Variants in GRB2 observed in about 807,000 individuals in gnomAD.
GRB2 encodes the protein growth factor receptor bound protein 2.
In GRB2, 2 loss-of-function variants were observed where a neutral mutation model predicts 27.4. The ratio of observed to expected loss-of-function variants is 0.07; its 90% confidence interval spans 0.03 to 0.23. The LOEUF is 0.23. Among genes scored for constraint, GRB2 ranks in the 10% least tolerant of loss-of-function variants. The pLI is 1.00. For synonymous variants in GRB2, 94 were observed against 99.6 expected, an observed-to-expected ratio of 0.94 and a Z score of 0.33; for missense variants, 102 against 282.4, an observed-to-expected ratio of 0.36 and a Z score of 4.58.
intron 1 of GRB2, chr17:75,394,687 G>C (rs1047195347): frequency 1.3e-5 from 2 of 152,262 alleles, no homozygotes; most frequent in African/African-American, 4.8e-5. Context: ...CAAGTATCTT[G>C]TTTGGGAAAG....
intron 1 of GRB2, among the ~76,000 whole-genome samples, chr17:75,402,761 A>G (rs2079071565): frequency 6.6e-6 from 1 of 152,156 alleles, no homozygotes; most frequent in Admixed American, 6.6e-5. Flanking sequence ...ATGCACTACA[A>G]TGTCCTTGCA....
chr17:75,397,022 C>T (rs1425491227), intron 1 of GRB2, among the ~76,000 whole-genome samples: 1 of 152,198 alleles, frequency 6.6e-6, no homozygotes, highest in Non-Finnish European at 1.5e-5. Flanking sequence ...CCTGCTGCTA[C>T]TCAGCTCATC....
intron 2 of GRB2, among the ~76,000 whole-genome samples, chr17:75,359,507 A>AAATAATAAT (rs10628038): frequency 1.2e-3 from 180 of 148,280 alleles, no homozygotes; most frequent in Admixed American, 4.9e-3. Context: ...CATTGTCTCA[A>AAATAATAAT]AATAATAATA....
At chr17:75,321,370 T>A (rs2078458567) in intron 5 of GRB2, among the ~76,000 whole-genome samples, 1 of 151,810 alleles carries the variant, frequency 6.6e-6, no homozygotes, top group African/African-American at 2.4e-5. Context: ...AGCGACAGGG[T>A]TTCACCATGT....
chr17:75,323,405 C>A (rs2078474069), intron 4 of GRB2, among the ~76,000 whole-genome samples: 1 of 152,116 alleles, frequency 6.6e-6, no homozygotes, highest in Admixed American at 6.6e-5. Flanking sequence ...CCACTTCCAC[C>A]CATGCAATGC....
intron 2 of GRB2, among the ~76,000 whole-genome samples, chr17:75,334,855 CT>C (rs10545922): frequency 0.19 from 27,417 of 143,446 alleles, 3,055 homozygotes; most frequent in African/African-American, 0.35. Context: ...CTCAAAATAT[CT>C]TTTTTTTTTT....
Position 75,363,859 on chromosome 17 carries a change from C to CAAAAA in GRB2, c.78+29687_78+29691dup, listed in dbSNP as rs55746272. Reference sequence around the variant, plus strand: ...TGGGCGACAGAGCAAGACTCCGTCTCAAAAAAAAAAAAAAAAAAAAAAAAA... The same window carrying CAAAAA: ...TGGGCGACAGAGCAAGACTCCGTCTCAAAAAAAAAAAAAAAAAAAAAAAAAAAAAA... On this transcript the variant is annotated intron_variant, in intron 2 of 5. Transcript: ENST00000316804. Among the ~76,000 whole-genome samples, 54 of 58,524 alleles carry CAAAAA rather than the reference C, an allele frequency of 9.2e-4. 4 individuals are homozygous for CAAAAA. The highest frequency in any genetic ancestry group is 5.8e-3 in the South Asian group (8 of 1,374). 38.4% of individuals were successfully genotyped at this position (58,524 alleles called of 152,430 possible).
chr17:75,326,418 C>T (rs897152994), intron 3 of GRB2: 2 of 196,530 alleles, frequency 1.0e-5, no homozygotes, highest in African/African-American at 4.7e-5. Context: ...CTTCCTGCAG[C>T]CATGTGATAA....
intron 2 of GRB2, among the ~76,000 whole-genome samples, chr17:75,362,761 T>C (rs2145848952): frequency 6.6e-6 from 1 of 152,370 alleles, no homozygotes; most frequent in South Asian, 2.1e-4. Context: ...GCTCTGCTCC[T>C]GTGTGGGTAC....
chr17:75,371,748 CGA>C (rs1441240700), intron 2 of GRB2: 1 of 151,382 alleles, frequency 6.6e-6, no homozygotes, highest in Non-Finnish European at 1.5e-5. Context: ...ACCAGAAATA[CGA>C]GATAGCCCAG....
In GRB2 at chr17:75,320,425, G is replaced by A. The variant is rs1361257870; in HGVS notation, c.597C>T (p.His199=). The A allele has an allele frequency of 1.3e-5, 21 of 1,613,950 alleles. No individual in the cohort carries two copies. The highest frequency in any genetic ancestry group is 4.4e-5 in the South Asian group (4 of 91,084). The change falls in exon 6 of 6, where the codon CAC becomes CAT. Residue 199 remains histidine (H), a synonymous_variant. Transcript: ENST00000316804. The surrounding 1 kb of genome is among the most constrained non-coding windows in gnomAD (Gnocchi z 4.3). ...SDPNWWKGAC[H]GQTGMFPRNY... is the part of the protein sequence containing the mutation. Reference sequence around the variant, plus strand: ...TGCGGGGAAACATGCCGGTCTGCCCGTGGCAAGCTCCTTTCCACCAGTTGG... The same window carrying A: ...TGCGGGGAAACATGCCGGTCTGCCCATGGCAAGCTCCTTTCCACCAGTTGG...
At chr17:75,364,260 A>AT (rs2078805214) in intron 2 of GRB2, among the ~76,000 whole-genome samples, 1 of 152,202 alleles carries the variant, frequency 6.6e-6, no homozygotes, top group Non-Finnish European at 1.5e-5. Flanking sequence ...CCTTCACAGT[A>AT]GTGGCTGTGG....
chr17:75,341,374 A>G (rs559602744), intron 2 of GRB2, among the ~76,000 whole-genome samples: 2 of 149,154 alleles, frequency 1.3e-5, no homozygotes, highest in South Asian at 4.3e-4. Flanking sequence ...ATCGCTTGAA[A>G]CCAGGAGGCA....
intron 2 of GRB2, among the ~76,000 whole-genome samples, chr17:75,334,232 G>A (rs113179210): frequency 0.096 from 14,613 of 151,638 alleles, 930 homozygotes; most frequent in Middle Eastern, 0.23. Flanking sequence ...GTGCAGTGGC[G>A]CGATCTCGGC....
At chr17:75,364,940 A>G (rs2145850576) in intron 2 of GRB2, among the ~76,000 whole-genome samples, 1 of 152,232 alleles carries the variant, frequency 6.6e-6, no homozygotes, top group Middle Eastern at 3.4e-3. Context: ...ACAGGGAAAA[A>G]GCATCTCTCA....
At chr17:75,340,076 G>A (rs1263412096) in intron 2 of GRB2, among the ~76,000 whole-genome samples, 1 of 152,156 alleles carries the variant, frequency 6.6e-6, no homozygotes, top group African/African-American at 2.4e-5. Flanking sequence ...ATAAAAAATA[G>A]AAATCATAAT....
chr17:75,337,351 A>G (rs556918043), intron 2 of GRB2, among the ~76,000 whole-genome samples: 1 of 152,040 alleles, frequency 6.6e-6, no homozygotes. Context: ...TCAAATGTTT[A>G]AGTATACAAA....
intron 2 of GRB2, among the ~76,000 whole-genome samples, chr17:75,333,935 T>G (rs1437117192): frequency 1.3e-5 from 2 of 152,194 alleles, no homozygotes; most frequent in Non-Finnish European, 2.9e-5. Context: ...GACTTTCATA[T>G]TTCCAATGAC....
chr17:75,339,020 A>C (rs2078601145), intron 2 of GRB2: 4 of 1,260,200 alleles, frequency 3.2e-6, no homozygotes, highest in South Asian at 2.4e-5. Flanking sequence ...ACCACAAAGA[A>C]GACTGTGCTA....
Sources: gnomAD v4.1 joint callset for allele counts (sites outside exome capture counted in the v4.1 genomes callset) on GRCh38, gnomAD v4.1.1 for gene constraint, Gnocchi (gnomAD v3.1) non-coding constraint, MANE v1.5 for transcripts, NCBI Gene and HGNC (gene_info 2026-07-23, HGNC 2026-07-21) for gene names.